Variants in TTLL5 observed in about 807,000 individuals in gnomAD.
TTLL5 encodes tubulin tyrosine ligase like 5, also known as tubulin polyglutamylase TTLL5.
A neutral mutation model predicts 168.4 loss-of-function variants in TTLL5; 132 were observed. That is an observed-to-expected ratio of 0.78 (90% CI 0.68 to 0.91). The LOEUF (loss-of-function observed/expected upper bound fraction) is 0.91, where lower values mean the gene tolerates loss of function less well. Ranked by LOEUF, TTLL5 falls within the 40% of genes least tolerant of loss-of-function variation. The pLI, the probability that TTLL5 is intolerant of heterozygous loss-of-function variation, is 0.00. For missense variants in TTLL5, 1,545 were observed against 1,581.5 expected (o/e 0.98, Z 0.39); for synonymous variants, 546 against 558.6 (o/e 0.98, Z 0.32).
intron 12 of TTLL5, among the ~76,000 whole-genome samples, chr14:75,724,768 AT>A (rs1474041255): frequency 3.9e-5 from 6 of 152,156 alleles, no homozygotes; most frequent in Non-Finnish European, 7.4e-5. Flanking sequence ...TTACAATCTA[AT>A]TTTTACTGCC....
At chr14:75,921,499 T>C (rs2033823140) in intron 31 of TTLL5, among the ~76,000 whole-genome samples, 1 of 152,210 alleles carries the variant, frequency 6.6e-6, no homozygotes, top group East Asian at 1.9e-4. Flanking sequence ...CCCCATTGCT[T>C]GTTTTTGTCA....
intron 30 of TTLL5, 121 bp downstream of exon 30, chr14:75,883,023 GAAAT>G: frequency 9.1e-7 from 1 of 1,103,348 alleles, no homozygotes; most frequent in Non-Finnish European, 1.3e-6. Context: ...CACCTGCTGG[GAAAT>G]AAAGGCTAAC....
rs112023579 is a variant in TTLL5 at position 75,745,123 on chromosome 14, C to T, written c.1310C>T (p.Ala437Val). Reference protein sequence around the residue: ...QRCRPLSASDAEMKNLVGSAR... With the variant: ...QRCRPLSASDVEMKNLVGSAR... The stretch of plus-strand genomic sequence containing the variant: ...TGCCGTCCACTCTCTGCCAGTGATG[C>T]GGAAATGAAAAACCTCGTGGGCTCA... Residue 437 changes from alanine to valine, a missense_variant, in exon 16 of 32, where the codon GCG (alanine) becomes GTG (valine). Coordinates refer to ENST00000298832, the MANE Select transcript of TTLL5 (RefSeq NM_015072.5). 111 of 1,613,752 alleles carry T rather than the reference C, an allele frequency of 6.9e-5. 1 individual carries two copies. The African/African-American group carries it at 7.5e-4, about 11-fold the overall frequency.
At chr14:75,746,065 T>C (rs1426647016) in intron 17 of TTLL5, among the ~76,000 whole-genome samples, 1 of 152,184 alleles carries the variant, frequency 6.6e-6, no homozygotes, top group East Asian at 1.9e-4. Context: ...CTTTATCCCC[T>C]TTTATATTCA....
intron 27 of TTLL5, among the ~76,000 whole-genome samples, chr14:75,806,561 C>G (rs911708276): frequency 4.6e-5 from 7 of 152,204 alleles, no homozygotes; most frequent in Non-Finnish European, 8.8e-5. Context: ...ATGCTATCTT[C>G]TCATGGAAAA....
At chr14:75,706,106 T>C (rs1351637672) in intron 7 of TTLL5, among the ~76,000 whole-genome samples, 2 of 152,192 alleles carry the variant, frequency 1.3e-5, no homozygotes, top group Non-Finnish European at 1.5e-5. Flanking sequence ...CATCTTCCGA[T>C]GATGGGCTCC....
At chr14:75,789,369 T>C (rs1302468721) in intron 26 of TTLL5, among the ~76,000 whole-genome samples, 1 of 152,188 alleles carries the variant, frequency 6.6e-6, no homozygotes, top group East Asian at 1.9e-4. Flanking sequence ...AGATAATATA[T>C]TGTCTACATA....
chr14:75,900,603 C>G (rs2032880863), intron 30 of TTLL5, among the ~76,000 whole-genome samples: 2 of 152,194 alleles, frequency 1.3e-5, no homozygotes, highest in East Asian at 1.9e-4. Context: ...CAAACACTGC[C>G]TGACTGTCCC....
At chr14:75,740,708 A>G (rs1177752751) in intron 15 of TTLL5, among the ~76,000 whole-genome samples, 1 of 152,110 alleles carries the variant, frequency 6.6e-6, no homozygotes, top group Non-Finnish European at 1.5e-5. Context: ...ATTCAGATTT[A>G]TTGATAATGT....
At chr14:75,712,906 A>G (rs113762293) in intron 9 of TTLL5, among the ~76,000 whole-genome samples, 204 of 152,228 alleles carry the variant, frequency 1.3e-3, no homozygotes, top group African/African-American at 4.7e-3. Flanking sequence ...GTGGTTAAAA[A>G]GGGGGGAGGG....
At chr14:75,830,837 AG>A (rs1895520535) in intron 28 of TTLL5, among the ~76,000 whole-genome samples, 1 of 152,186 alleles carries the variant, frequency 6.6e-6, no homozygotes, top group Non-Finnish European at 1.5e-5. Context: ...GTTCTCACAC[AG>A]GGCTCAGTTT....
intron 31 of TTLL5, among the ~76,000 whole-genome samples, chr14:75,942,148 A>G (rs544581305): frequency 6.7e-6 from 1 of 149,824 alleles, no homozygotes. Context: ...ATGCCACTGC[A>G]CTCCATCCTG....
intron 3 of TTLL5, among the ~76,000 whole-genome samples, chr14:75,673,137 G>A (rs1883873199): frequency 8.6e-5 from 13 of 151,914 alleles, no homozygotes; most frequent in Admixed American, 8.5e-4. Context: ...GTAGAGATGG[G>A]GGGGTCTCAC....
At position 75,763,251 on chromosome 14, in the gene TTLL5, C is replaced by CTGTGTGTGTGTG. The variant is rs1308717196; in HGVS notation, c.1551-1363_1551-1362insGTGTGTGTGTGT. ...GCTAAAAGTTTATTTCTATAGCTCTCTCTCTGTGTGTGTGTGTGTGTGTGT... is the reference window on the plus strand; with the variant it reads ...GCTAAAAGTTTATTTCTATAGCTCTCTGTGTGTGTGTGTCTCTGTGTGTGTGTGTGTGTGTGT... On this transcript the variant is annotated intron_variant, in intron 18 of 31. Coordinates refer to ENST00000298832, the MANE Select transcript of TTLL5 (RefSeq NM_015072.5). Among the ~76,000 whole-genome samples, 70 of 33,920 alleles carry CTGTGTGTGTGTG rather than the reference C, an allele frequency of 2.1e-3. 1 individual carries two copies. Among genetic ancestry groups the CTGTGTGTGTGTG allele is most frequent in the South Asian group, 7.6e-3 (6 of 792 alleles). 22.3% of individuals were successfully genotyped at this position (33,920 alleles called of 152,430 possible). A position where few individuals can be genotyped will look rare whatever the true frequency, so the allele number is the denominator to read the frequency against.
At chr14:75,886,773 A>G (rs1016742292) in intron 30 of TTLL5, 2 of 1,596,236 alleles carry the variant, frequency 1.3e-6, no homozygotes, top group African/African-American at 2.7e-5. Flanking sequence ...TGAGGACGAC[A>G]GCCTACAAAC....
chr14:75,780,107 C>T (rs1026484695), intron 24 of TTLL5, among the ~76,000 whole-genome samples: 2 of 152,112 alleles, frequency 1.3e-5, no homozygotes, highest in African/African-American at 2.4e-5. Flanking sequence ...TATTCTTTAT[C>T]GTGCAGGGAC....
At chr14:75,779,780 A>G in intron 24 of TTLL5, 78 bp downstream of exon 24, 1 of 1,455,846 alleles carries the variant, frequency 6.9e-7, no homozygotes, top group African/African-American at 1.4e-5. Context: ...ATGAGGAATA[A>G]TGTGTTGGCT....
At chr14:75,737,889 A>G (rs990666675) in intron 15 of TTLL5, among the ~76,000 whole-genome samples, 2 of 152,196 alleles carry the variant, frequency 1.3e-5, no homozygotes, top group Non-Finnish European at 2.9e-5. Context: ...AGGCATATCT[A>G]TCACTTTGAC....
intron 2 of TTLL5, among the ~76,000 whole-genome samples, chr14:75,664,437 T>C (rs1883104916): frequency 1.3e-5 from 2 of 152,210 alleles, no homozygotes; most frequent in East Asian, 3.8e-4. Context: ...AGAGATAATA[T>C]CTCCCAGGCT....
Sources: allele counts gnomAD v4.1 joint callset (sites outside exome capture counted in the v4.1 genomes callset), GRCh38; gene constraint gnomAD v4.1.1; transcripts MANE v1.5; gene names NCBI Gene and HGNC (gene_info 2026-07-23, HGNC 2026-07-21).